GPKOW: variants seen among roughly 807,000 people sequenced by gnomAD.
GPKOW encodes the protein G-patch domain and KOW motifs.
For missense variants in GPKOW, 359 were observed against 404.7 expected (o/e 0.89, Z 0.97); for synonymous variants, 167 against 159.1 (o/e 1.05, Z -0.37).
rs141120244 is a variant in GPKOW, at chrX:49,123,693, C to T, written c.30G>A (p.Pro10=). The change falls in exon 1 of 11, where the codon CCG becomes CCA. Residue 10 remains proline (P), a synonymous_variant. Transcript: ENST00000156109. ...TTGGGGCAGTGGAAGCAGCCGTCAG[C>T]GGCAAAACACCCTCTTTGGAGTCAG... MADSKEGVL[P]LTAASTAPIS... 6.6e-6 allele frequency: 8 copies of T among 1,205,331 alleles called. No homozygotes were observed. Among genetic ancestry groups the T allele is most frequent in the African/African-American group, 1.7e-5 (1 of 57,370 alleles).
At chrX:49,116,357 C>A in intron 6 of GPKOW, 34 bp from the exon 7 acceptor site, 1 of 937,414 alleles carries the variant, frequency 1.1e-6, no homozygotes, top group Non-Finnish European at 1.5e-6. Flanking sequence ...CTGGCCTGTT[C>A]AAGAGGTTAT....
In GPKOW at chrX:49,117,753, G is replaced by A. The variant is rs782769414; in HGVS notation, c.624C>T (p.Asn208=). 3.3e-6 allele frequency: 4 copies of A among 1,207,886 alleles called. No individual in the cohort carries two copies. Among genetic ancestry groups the A allele is most frequent in the African/African-American group, 3.5e-5 (2 of 57,148 alleles). The change falls in exon 5 of 11, where the codon AAC becomes AAT. Residue 208 remains asparagine (N), a synonymous_variant. Transcript: ENST00000156109. The stretch of plus-strand genomic sequence containing the variant: ...GGGTCAAGGCCTGGGCCTCGGTCAG[G>A]TTGGCACCCAGCCCTAACCCCTTGG... The part of the protein sequence containing the change: ...LRPKGLGLGA[N]LTEAQALTPT...
At chrX:49,114,296 C>A (rs140715568) in intron 9 of GPKOW, among the ~76,000 whole-genome samples, 1 of 109,818 alleles carries the variant, frequency 9.1e-6, no homozygotes. Context: ...CCCACTACTG[C>A]GTTTGGCTAA....
intron 9 of GPKOW, among the ~76,000 whole-genome samples, chrX:49,114,296 C>T (rs140715568): frequency 0.023 from 2,489 of 109,854 alleles, 78 homozygotes; most frequent in African/African-American, 0.079. Flanking sequence ...CCCACTACTG[C>T]GTTTGGCTAA....
At position 49,113,473 on chromosome X, in the gene GPKOW, C is replaced by A. The variant is rs1322931762; in HGVS notation, c.*148G>T. 15 of 530,890 alleles carry A rather than the reference C, an allele frequency of 2.8e-5. No homozygotes were observed. Among genetic ancestry groups the A allele is most frequent in the Non-Finnish European group, 4.6e-5 (15 of 323,267 alleles). The allele number at this position is 530,890 out of a possible 1,213,427, so 43.8% of individuals were successfully genotyped here. A position where few individuals can be genotyped will look rare whatever the true frequency, so the allele number is the denominator to read the frequency against. On this transcript the variant is annotated 3_prime_UTR_variant, in exon 11 of 11. Coordinates refer to ENST00000156109, the MANE Select transcript of GPKOW (RefSeq NM_015698.6). ...ATTGGGTTTGTTTCTAGCTTCCCTA[C>A]TGGTTCACCCATCCCTTTCCCTTGT...
intron 1 of GPKOW, among the ~76,000 whole-genome samples, 179 bp downstream of exon 1, chrX:49,123,368 A>G (rs1557091394): frequency 8.9e-6 from 1 of 111,762 alleles, no homozygotes; most frequent in Non-Finnish European, 1.9e-5. Context: ...TCCCACAGCT[A>G]TCAGGCCCAA....
chrX:49,121,042 G>A lies in GPKOW; in HGVS notation c.457-1228C>T, dbSNP rs182863901. 1.3e-4 allele frequency among the ~76,000 whole-genome samples: 15 copies of A among 112,078 alleles called. No individual in the cohort carries two copies. In the East Asian group the frequency reaches 3.9e-3, roughly 29 times the overall value. On this transcript the variant is annotated intron_variant, in intron 3 of 10. Coordinates refer to ENST00000156109, the MANE Select transcript of GPKOW (RefSeq NM_015698.6). Reference sequence around the variant, plus strand: ...ACCTGATATGTAGAAAGCTGCAGGAGGAGGTTTATAGAGGGAAAAATTAGA... The same window carrying A: ...ACCTGATATGTAGAAAGCTGCAGGAAGAGGTTTATAGAGGGAAAAATTAGA...
At chrX:49,115,507 A>AAAC (rs2065189861) in intron 9 of GPKOW, among the ~76,000 whole-genome samples, 1 of 23,380 alleles carries the variant, frequency 4.3e-5, no homozygotes, top group Non-Finnish European at 1.1e-4. Context: ...ACTCTGTCTC[A>AAAC]AAAAAAAAAA....
At chrX:49,122,892 C>A in intron 1 of GPKOW, 116 bp from the exon 2 acceptor site, 2 of 559,401 alleles carry the variant, frequency 3.6e-6, no homozygotes, top group Non-Finnish European at 5.9e-6. Context: ...ACCATGTCTT[C>A]CCTACTCCAT....
rs1557089691 is a variant in GPKOW at position 49,113,723 on chromosome X, C to T, written c.1329G>A (p.Arg443=). The change falls in exon 11 of 11, where the codon CGG becomes CGA. Residue 443 remains arginine (R), a synonymous_variant. Coordinates refer to ENST00000156109, the MANE Select transcript of GPKOW (RefSeq NM_015698.6). ...VGHLLSRDRA[R]SRALVQLPRE... ...TTGGCAGTTGCACCAAAGCCCGGCTCCGTGCTCTGTCCCGGCTCAGCAAAT... is the reference window on the plus strand; with the variant it reads ...TTGGCAGTTGCACCAAAGCCCGGCTTCGTGCTCTGTCCCGGCTCAGCAAAT... The T allele has an allele frequency of 2.5e-6, 3 of 1,205,794 alleles. No individual in the cohort carries two copies. Among genetic ancestry groups the T allele is most frequent in the Non-Finnish European group, 2.2e-6 (2 of 893,039 alleles).
chrX:49,115,076 A>C (rs1226597616), intron 9 of GPKOW, among the ~76,000 whole-genome samples: 1 of 110,316 alleles, frequency 9.1e-6, no homozygotes, highest in African/African-American at 3.3e-5. Context: ...ACTGTAATAA[A>C]GGGTGGTGGT....
Position 49,122,433 on chromosome X carries a change from C to T in GPKOW, c.421G>A (p.Gly141Arg), listed in dbSNP as rs782009080. 24 of 1,183,313 alleles carry T rather than the reference C, an allele frequency of 2.0e-5. No homozygotes were observed. Among genetic ancestry groups the T allele is most frequent in the African/African-American group, 5.4e-5 (3 of 55,981 alleles). ...PMIQKGCTPS[G>R]EGADSEPRAE... ...CGGGGTTCGCTGTCTGCCCCTTCCC[C>T]GCTGGGGGTGCATCCTTTCTGGATC... Residue 141 changes from glycine to arginine, a missense_variant, in exon 3 of 11, where the codon GGG becomes AGG. Gly to Arg is a moderately radical substitution (Grantham distance 125). Transcript: ENST00000156109.
At chrX:49,117,902 C>T (rs2065199466) in intron 4 of GPKOW, 92 bp from the exon 5 acceptor site, 2 of 492,687 alleles carry the variant, frequency 4.1e-6, no homozygotes, top group Non-Finnish European at 6.4e-6. Context: ...GCCCCACCCG[C>T]CCCATTGACA....
intron 3 of GPKOW, among the ~76,000 whole-genome samples, chrX:49,120,204 G>A (rs2065208845): frequency 8.9e-6 from 1 of 112,148 alleles, no homozygotes; most frequent in Non-Finnish European, 1.9e-5. Flanking sequence ...TGGAGAGGGA[G>A]TGCCACTGGG....
chrX:49,114,922 CAAAAAAAAAAAAAAAAAAA>C (rs1169588195), intron 9 of GPKOW, among the ~76,000 whole-genome samples: 21 of 45,574 alleles, frequency 4.6e-4, no homozygotes, highest in African/African-American at 2.7e-3. Flanking sequence ...GACTCTGTTT[CAAAAAAAAAAAAAAAAAAA>C]AAAAAAAAAA....
Position 49,115,880 on chromosome X carries a change from A to T in GPKOW, c.1140+11T>A. On this transcript the variant is annotated intron_variant, in intron 8 of 10. Transcript: ENST00000156109. ...GGAGAGGGAGGGGGACTCAGGCTGCAGGGTTCCCACCTTGGTGTTGTAATA... is the reference window on the plus strand; with the variant it reads ...GGAGAGGGAGGGGGACTCAGGCTGCTGGGTTCCCACCTTGGTGTTGTAATA... 1 of 1,210,307 alleles carries T rather than the reference A, an allele frequency of 8.3e-7. No individual in the cohort carries two copies. Among genetic ancestry groups the T allele is most frequent in the Non-Finnish European group, 1.1e-6 (1 of 894,167 alleles).
chrX:49,116,825 G>A (rs1389710110), intron 6 of GPKOW, among the ~76,000 whole-genome samples: 1 of 111,712 alleles, frequency 9.0e-6, no homozygotes, highest in Non-Finnish European at 1.9e-5. Context: ...TACAGACCCA[G>A]GGGTATGACA....
Position 49,122,515 on chromosome X carries a change from C to T in GPKOW, c.339G>A (p.Lys113=), listed in dbSNP as rs2033985414. Residue 113 remains lysine (K), a synonymous_variant, in exon 3 of 11, where the codon AAG becomes AAA. Transcript: ENST00000156109. Reference sequence around the variant, plus strand: ...CATTCTCTCTCTCTTCCAGAGACTTCTTGGATTCTAAAGGAAGAATAGGAG... The same window carrying T: ...CATTCTCTCTCTCTTCCAGAGACTTTTTGGATTCTAAAGGAAGAATAGGAG... The part of the protein sequence containing the change: ...QAVKELIAES[K]KSLEERENAG... 1 of 1,208,360 alleles carries T rather than the reference C, an allele frequency of 8.3e-7. No individual in the cohort carries two copies. The highest frequency in any genetic ancestry group is 1.1e-6 in the Non-Finnish European group (1 of 893,703).
intron 6 of GPKOW, among the ~76,000 whole-genome samples, chrX:49,116,817 C>T (rs989070197): frequency 8.9e-6 from 1 of 111,784 alleles, no homozygotes; most frequent in African/African-American, 3.3e-5. Context: ...AGACAGGCTA[C>T]AGACCCAGGG....
Sources: allele counts gnomAD v4.1 joint callset (sites outside exome capture counted in the v4.1 genomes callset), GRCh38; gene constraint gnomAD v4.1.1; transcripts MANE v1.5; gene names NCBI Gene and HGNC (gene_info 2026-07-23, HGNC 2026-07-21).